TTLL9: variants seen among roughly 807,000 people sequenced by gnomAD.
TTLL9 encodes the protein tubulin tyrosine ligase like 9, also known as probable tubulin polyglutamylase TTLL9.
In TTLL9, 47 loss-of-function variants were observed where a neutral mutation model predicts 65.6. That is an observed-to-expected ratio of 0.72 (90% CI 0.57 to 0.91). TTLL9 has a LOEUF of 0.91. TTLL9 is among the 40% of genes least tolerant of loss of function. The probability of loss-of-function intolerance (pLI) is 0.00; values close to 1 mark genes in which losing one functional copy is unlikely to be tolerated. For synonymous variants in TTLL9, 179 were observed against 204.8 expected, an observed-to-expected ratio of 0.87 and a Z score of 1.07; for missense variants, 537 against 568.8, an observed-to-expected ratio of 0.94 and a Z score of 0.57.
At chr20:31,920,331 C>G (rs1376393651) in intron 7 of TTLL9, among the ~76,000 whole-genome samples, 1 of 152,080 alleles carries the variant, frequency 6.6e-6, no homozygotes, top group Non-Finnish European at 1.5e-5. Flanking sequence ...GCCTCCTGCT[C>G]ACGTGGCTGG....
chr20:31,881,278 A>G (rs2063114820), intron 2 of TTLL9, among the ~76,000 whole-genome samples: 1 of 152,196 alleles, frequency 6.6e-6, no homozygotes, highest in Admixed American at 6.5e-5. Flanking sequence ...CTATTTGTTT[A>G]ACATCTGTCT....
chr20:31,937,605 G>A (rs2064135324), intron 13 of TTLL9, 96 bp downstream of exon 13: 6 of 956,080 alleles, frequency 6.3e-6, no homozygotes, highest in Admixed American at 4.9e-5. Flanking sequence ...GGCCTGAGTG[G>A]CCCTCAGCGA....
intron 7 of TTLL9, among the ~76,000 whole-genome samples, chr20:31,921,838 G>C (rs1400473820): frequency 6.6e-6 from 1 of 152,144 alleles, no homozygotes; most frequent in Non-Finnish European, 1.5e-5. Flanking sequence ...TGGAAGGAGG[G>C]GGGAGGGATA....
At chr20:31,935,226 G>C (rs960907003) in intron 12 of TTLL9, among the ~76,000 whole-genome samples, 3 of 152,162 alleles carry the variant, frequency 2.0e-5, no homozygotes, top group African/African-American at 7.2e-5. Context: ...TTGGAGCTTT[G>C]AAGATGCAAA....
chr20:31,890,019 TTTCTTTCTTTCTTTCC>T (rs1440710323), intron 3 of TTLL9, among the ~76,000 whole-genome samples: 8 of 136,274 alleles, frequency 5.9e-5, no homozygotes, highest in African/African-American at 2.0e-4. Context: ...TCTTTCTTTC[TTTCTTTCTTTCTTTCC>T]TTCCTTCCTT....
chr20:31,871,037 C>T (rs1288328143), intron 1 of TTLL9, 85 bp from the exon 2 acceptor site: 1 of 1,273,394 alleles, frequency 7.9e-7, no homozygotes. Flanking sequence ...ATTCTCCCAC[C>T]CTCCTGTTCA....
rs1218896662 is a variant in TTLL9 at position 31,871,146 on chromosome 20, C to T, written c.20C>T (p.Ala7Val). The change falls in exon 2 of 15, where the codon GCT becomes GTT. Residue 7 changes from alanine to valine, a missense_variant. By Grantham distance (64) the Ala-to-Val change is moderately conservative. This residue lies in a region of TTLL9 where 320 missense variants were observed against 311.0 expected (regional missense o/e 1.03). Coordinates refer to ENST00000535842, the MANE Select transcript of TTLL9 (RefSeq NM_001008409.5). MVPSREALLGPGTTAIR... is the reference protein window; with the variant it reads MVPSREVLLGPGTTAIR... ...GGAGGGATGGTGCCATCCAGGGAAG[C>T]TCTGCTGGGACCAGGCACAACTGCC... 1.2e-6 allele frequency: 2 copies of T among 1,614,160 alleles called. No individual in the cohort carries two copies. Among genetic ancestry groups the T allele is most frequent in the African/African-American group, 1.3e-5 (1 of 75,036 alleles).
At chr20:31,921,033 G>T (rs902440391) in intron 7 of TTLL9, among the ~76,000 whole-genome samples, 5 of 152,226 alleles carry the variant, frequency 3.3e-5, no homozygotes, top group Non-Finnish European at 7.3e-5. Context: ...CCCATGGGTG[G>T]TGTAGGCAGC....
intron 2 of TTLL9, among the ~76,000 whole-genome samples, chr20:31,881,997 C>T (rs544691508): frequency 6.6e-6 from 1 of 152,290 alleles, no homozygotes; most frequent in East Asian, 1.9e-4. Flanking sequence ...GAAAGGTCTC[C>T]TGTATATTGA....
Position 31,934,734 on chromosome 20 carries a change from T to A in TTLL9, c.850T>A (p.Ser284Thr). 6.2e-7 allele frequency: 1 copy of A among 1,612,514 alleles called. No individual in the cohort carries two copies. The highest frequency in any genetic ancestry group is 8.5e-7 in the Non-Finnish European group (1 of 1,179,918). The change falls in exon 12 of 15, where the codon TCC becomes ACC. Residue 284 changes from serine to threonine, a missense_variant. This residue lies in a region of TTLL9 where 205 missense variants were observed against 225.9 expected (regional missense o/e 0.91). Transcript: ENST00000535842. Reference protein sequence around the residue: ...TLQRFRQYLASKHGPEAVETL... With the variant: ...TLQRFRQYLATKHGPEAVETL... ...GCAGCGCTTCCGGCAGTACCTGGCG[T>A]CCAAACACGGGCCCGAGGCAGTGGA...
chr20:31,907,611 C>T (rs1178583769), intron 4 of TTLL9, among the ~76,000 whole-genome samples: 1 of 151,988 alleles, frequency 6.6e-6, no homozygotes, highest in Admixed American at 6.6e-5. Context: ...ATCCCAGCTA[C>T]TCGGGAGGCT....
At chr20:31,938,067 C>CCTCCCT (rs1256221001) in intron 13 of TTLL9, 13 of 277,554 alleles carry the variant, frequency 4.7e-5, no homozygotes, top group Non-Finnish European at 7.2e-6. Context: ...TCCCTTTCTC[C>CCTCCCT]CTCCCTCTCC....
chr20:31,871,000 C>A lies in TTLL9; in HGVS notation c.-6+51C>A. On this transcript the variant is annotated intron_variant, in intron 1 of 14. Coordinates refer to ENST00000535842, the MANE Select transcript of TTLL9 (RefSeq NM_001008409.5). This position sits in a 1 kb window ranked among gnomAD's most constrained non-coding sequence, Gnocchi z 6.6. ...TCTCCACCCGTGCAGAGACACCCTA[C>A]CAACCAGCCTTCCTCCTTTCCCATC... is the stretch of plus-strand genomic sequence containing the variant. The A allele has an allele frequency of 2.2e-6, 2 of 914,196 alleles. No homozygotes were observed. The highest frequency in any genetic ancestry group is 3.6e-6 in the Non-Finnish European group (2 of 551,656). The allele number at this position is 914,196 out of a possible 1,614,324, so 56.6% of individuals were successfully genotyped here. A position where few individuals can be genotyped will look rare whatever the true frequency, so the allele number is the denominator to read the frequency against.
chr20:31,893,546 C>T (rs746950965), intron 3 of TTLL9, among the ~76,000 whole-genome samples: 6 of 152,134 alleles, frequency 3.9e-5, no homozygotes, highest in Admixed American at 6.5e-5. Context: ...TTGCCTCAGC[C>T]TCCCAAAGTT....
rs756266495 is a variant in TTLL9, at chr20:31,926,043, C to T, written c.706-6C>T. On this transcript the variant is annotated splice_region_variant and splice_polypyrimidine_tract_variant and intron_variant, in intron 9 of 14. Coordinates refer to ENST00000535842, the MANE Select transcript of TTLL9 (RefSeq NM_001008409.5). Reference sequence around the variant, plus strand: ...CCAGTCCCAAGTGAACTCCTTTGTCCCACAGGTGTTTGCTGAATGCCTGCT... The same window carrying T: ...CCAGTCCCAAGTGAACTCCTTTGTCTCACAGGTGTTTGCTGAATGCCTGCT... 4 of 1,613,788 alleles carry T rather than the reference C, an allele frequency of 2.5e-6. No homozygotes were observed. In the African/African-American group the frequency reaches 5.3e-5, roughly 22 times the overall value.
chr20:31,933,676 C>T (rs1269904009), intron 10 of TTLL9, 124 bp from the exon 11 acceptor site: 1 of 867,434 alleles, frequency 1.2e-6, no homozygotes, highest in African/African-American at 1.7e-5. Context: ...CCAAAGCTCA[C>T]ACACACGACC....
intron 6 of TTLL9, among the ~76,000 whole-genome samples, chr20:31,917,070 A>C (rs189275415): frequency 6.6e-6 from 1 of 152,370 alleles, no homozygotes; most frequent in Non-Finnish European, 1.5e-5. Context: ...TATGAACCTG[A>C]AAAGATACCG....
At chr20:31,914,921 G>C (rs1431282044) in intron 6 of TTLL9, among the ~76,000 whole-genome samples, 1 of 152,224 alleles carries the variant, frequency 6.6e-6, no homozygotes, top group Non-Finnish European at 1.5e-5. Flanking sequence ...TTGGAGGCCT[G>C]CAAGGTGCAT....
chr20:31,870,728 C>T lies in TTLL9; in HGVS notation c.-227C>T, dbSNP rs548276104. 4.0e-5 allele frequency: 24 copies of T among 602,972 alleles called. No individual in the cohort carries two copies. In the African/African-American group the frequency reaches 4.5e-4, roughly 11 times the overall value. 37.4% of individuals were successfully genotyped at this position (602,972 alleles called of 1,614,324 possible). On this transcript the variant is annotated 5_prime_UTR_variant, in exon 1 of 15. Transcript: ENST00000535842. This position sits in a 1 kb window ranked among gnomAD's most constrained non-coding sequence, Gnocchi z 6.6. The stretch of plus-strand genomic sequence containing the variant: ...AGGTGGGGGCGGGGGCCTTACCCCA[C>T]CCTGGCACCGGCAGGCGCGGGCGGA...
Sources: gnomAD v4.1 joint callset for allele counts (sites outside exome capture counted in the v4.1 genomes callset) on GRCh38, gnomAD v4.1.1 for gene constraint, gnomAD v4.1.1 regional missense constraint, Gnocchi (gnomAD v3.1) non-coding constraint, MANE v1.5 for transcripts, NCBI Gene and HGNC (gene_info 2026-07-23, HGNC 2026-07-21) for gene names.